Variants in RAB22A observed in about 807,000 individuals in gnomAD.
RAB22A encodes the protein RAB22A, member RAS oncogene family.
RAB22A carries 13 observed loss-of-function variants against 30.2 expected under a neutral mutation model. The ratio of observed to expected loss-of-function variants is 0.43; its 90% CI spans 0.28 to 0.68. The LOEUF (loss-of-function observed/expected upper bound fraction) is 0.68, where lower values mean the gene tolerates loss of function less well. Ranked by LOEUF, RAB22A falls within the 30% of genes least tolerant of loss-of-function variation. The probability of loss-of-function intolerance (pLI) is 0.18; values close to 1 mark genes in which losing one functional copy is unlikely to be tolerated. For missense variants in RAB22A, 177 were observed against 246.8 expected, an observed-to-expected ratio of 0.72 and a Z score of 1.89; for synonymous variants, 89 against 87.2, an observed-to-expected ratio of 1.02 and a Z score of -0.11.
intron 1 of RAB22A, 99 bp from the exon 2 acceptor site, chr20:58,310,944 G>A: frequency 3.2e-6 from 3 of 946,868 alleles, no homozygotes; most frequent in East Asian, 2.4e-5. Flanking sequence ...ACACGTCTAG[G>A]GTGATTTTTC....
chr20:58,310,131 C>T, intron 1 of RAB22A, 119 bp downstream of exon 1: 1 of 1,029,934 alleles, frequency 9.7e-7, no homozygotes. Context: ...GTCTGCCAGC[C>T]CCGTGGACCC....
chr20:58,349,028 A>T (rs1986999210), intron 3 of RAB22A, among the ~76,000 whole-genome samples: 1 of 152,158 alleles, frequency 6.6e-6, no homozygotes, highest in Non-Finnish European at 1.5e-5. Context: ...CCGTCACCTG[A>T]TCTAGAGCCA....
chr20:58,316,777 ACT>A (rs1986348402), intron 2 of RAB22A, among the ~76,000 whole-genome samples: 1 of 151,950 alleles, frequency 6.6e-6, no homozygotes, highest in Non-Finnish European at 1.5e-5. Context: ...GAGCTCGTGA[ACT>A]CTCTCTCAGA....
At chr20:58,349,762 A>G (rs922359351) in intron 3 of RAB22A, among the ~76,000 whole-genome samples, 1 of 152,232 alleles carries the variant, frequency 6.6e-6, no homozygotes, top group African/African-American at 2.4e-5. Context: ...ATGAGTCACC[A>G]GTAACTTAAT....
intron 2 of RAB22A, among the ~76,000 whole-genome samples, chr20:58,317,993 C>A (rs962398571): frequency 2.6e-5 from 4 of 152,136 alleles, no homozygotes; most frequent in Non-Finnish European, 5.9e-5. Context: ...GTAGCTAGGA[C>A]AACAATAGCA....
rs1987325471 is a variant in RAB22A at position 58,366,711 on chromosome 20, G to A, written c.*7008G>A. 3 of 152,202 alleles carry A rather than the reference G, an allele frequency of 2.0e-5. No homozygotes were observed. The highest frequency in any genetic ancestry group is 1.3e-4 in the Admixed American group (2 of 15,282). The allele number at this position is 152,202 out of a possible 1,614,324, so 9.4% of individuals were successfully genotyped here. ...ACTCCGCTGCTTCAGAAAGAGAATA[G>A]CAGCGCTCGCTTACCGTGGGAACAC... On this transcript the variant is annotated 3_prime_UTR_variant, in exon 7 of 7. Transcript: ENST00000244040.
chr20:58,337,441 AT>A (rs1352692217), intron 2 of RAB22A, among the ~76,000 whole-genome samples: 1 of 152,092 alleles, frequency 6.6e-6, no homozygotes, highest in Non-Finnish European at 1.5e-5. Flanking sequence ...GGCAGGTCTC[AT>A]TTGCCATTTA....
intron 2 of RAB22A, among the ~76,000 whole-genome samples, chr20:58,331,900 A>AT (rs1336682247): frequency 5.9e-5 from 9 of 152,172 alleles, no homozygotes; most frequent in African/African-American, 2.2e-4. Flanking sequence ...GGGACTCCAC[A>AT]TATCTACCAC....
At chr20:58,342,999 C>A (rs544234381) in intron 2 of RAB22A, among the ~76,000 whole-genome samples, 1 of 152,164 alleles carries the variant, frequency 6.6e-6, no homozygotes, top group Admixed American at 6.5e-5. Context: ...GGAACCCTGC[C>A]GTCAGAGTGC....
intron 2 of RAB22A, among the ~76,000 whole-genome samples, chr20:58,329,475 C>G (rs2122941776): frequency 6.6e-6 from 1 of 152,294 alleles, no homozygotes; most frequent in East Asian, 1.9e-4. Flanking sequence ...TGGCGTCATC[C>G]TCCTTCATAT....
chr20:58,323,938 G>A (rs6070425), intron 2 of RAB22A, among the ~76,000 whole-genome samples: 1 of 151,680 alleles, frequency 6.6e-6, no homozygotes, highest in African/African-American at 2.4e-5. Context: ...AATACACTTA[G>A]GTCAGGACAT....
intron 6 of RAB22A, among the ~76,000 whole-genome samples, chr20:58,358,490 A>G (rs1201447923): frequency 6.6e-6 from 1 of 152,252 alleles, no homozygotes; most frequent in Non-Finnish European, 1.5e-5. Context: ...TGCTTCTTGC[A>G]TCTTTGTTAA....
chr20:58,330,553 G>C lies in RAB22A; in HGVS notation c.117-13165G>C, dbSNP rs117903695. ...TACGCTGCAAAGATTTTAGATTTTC[G>C]TATCTTCCACTGAAGAGTGCTGTTT... On this transcript the variant is annotated intron_variant, in intron 2 of 6. Transcript: ENST00000244040. 3.9e-3 allele frequency among the ~76,000 whole-genome samples: 587 copies of C among 151,832 alleles called. 1 individual carries two copies. The highest frequency in any genetic ancestry group is 6.7e-3 in the Non-Finnish European group (452 of 67,950).
intron 2 of RAB22A, among the ~76,000 whole-genome samples, chr20:58,322,788 AT>A (rs548480811): frequency 6.6e-6 from 1 of 151,400 alleles, no homozygotes; most frequent in African/African-American, 2.4e-5. Context: ...CAACACACTT[AT>A]TTTTTTTGCA....
chr20:58,342,421 C>G lies in RAB22A; in HGVS notation c.117-1297C>G, dbSNP rs1051693365. ...AAATATTGCCAGGAATTCATTGTAT[C>G]AGAGTTGAAGTTTTAAAACTAAGGA... On this transcript the variant is annotated intron_variant, in intron 2 of 6. Coordinates refer to ENST00000244040, the MANE Select transcript of RAB22A (RefSeq NM_020673.3). Among the ~76,000 whole-genome samples the G allele has an allele frequency of 6.6e-5, 10 of 152,228 alleles. No individual in the cohort carries two copies. The East Asian group carries it at 1.9e-3, about 29-fold the overall frequency.
chr20:58,319,371 G>A (rs1164671459), intron 2 of RAB22A, among the ~76,000 whole-genome samples: 1 of 152,190 alleles, frequency 6.6e-6, no homozygotes, highest in Non-Finnish European at 1.5e-5. Flanking sequence ...TTATATATGT[G>A]TATGGGTGTA....
chr20:58,340,961 C>T (rs1175734813), intron 2 of RAB22A, among the ~76,000 whole-genome samples: 1 of 151,896 alleles, frequency 6.6e-6, no homozygotes, highest in Middle Eastern at 3.2e-3. Flanking sequence ...AGATTTGAGA[C>T]TTGAGACCAG....
chr20:58,334,954 A>G (rs922763836), intron 2 of RAB22A, among the ~76,000 whole-genome samples: 9 of 152,190 alleles, frequency 5.9e-5, no homozygotes, highest in Non-Finnish European at 1.0e-4. Flanking sequence ...GTTTATAAAA[A>G]CACTTGTACA....
At chr20:58,356,591 A>T (rs1987132831) in intron 6 of RAB22A, among the ~76,000 whole-genome samples, 1 of 152,224 alleles carries the variant, frequency 6.6e-6, no homozygotes, top group South Asian at 2.1e-4. Flanking sequence ...TCACAAACTG[A>T]ATATACTCCG....
Sources: gnomAD v4.1 joint callset for allele counts (sites outside exome capture counted in the v4.1 genomes callset) on GRCh38, gnomAD v4.1.1 for gene constraint, MANE v1.5 for transcripts, NCBI Gene and HGNC (gene_info 2026-07-23, HGNC 2026-07-21) for gene names.